The following PKP2 variants were observed in gnomAD, a reference collection of about 807,000 sequenced individuals.
PKP2 encodes the protein plakophilin 2, also known as plakophilin-2.
Under a neutral mutation model 83.4 loss-of-function variants are expected in PKP2, and 73 were observed. The ratio of observed to expected loss-of-function variants is 0.88; its 90% CI spans 0.72 to 1.06. The LOEUF is 1.06. PKP2 is among the 50% of genes least tolerant of loss of function. The pLI, the probability that PKP2 is intolerant of heterozygous loss-of-function variation, is 0.00. For synonymous variants in PKP2, 409 were observed against 430.4 expected (o/e 0.95, Z 0.62); for missense variants, 966 against 1,065.4 (o/e 0.91, Z 1.30).
chr12:32,812,556 G>A (rs769326182), intron 9 of PKP2, among the ~76,000 whole-genome samples: 3 of 152,084 alleles, frequency 2.0e-5, no homozygotes, highest in Non-Finnish European at 4.4e-5. Context: ...AGGCTGGAGT[G>A]CAGTGGCATG....
intron 11 of PKP2, among the ~76,000 whole-genome samples, chr12:32,793,612 G>GC (rs1956093307): frequency 1.1e-5 from 1 of 94,310 alleles, no homozygotes; most frequent in African/African-American, 4.9e-5. Flanking sequence ...TTCATATTCT[G>GC]CTTTTTTTTT....
chr12:32,863,921 C>G (rs1956823239), intron 4 of PKP2, among the ~76,000 whole-genome samples: 1 of 152,022 alleles, frequency 6.6e-6, no homozygotes, highest in African/African-American at 2.4e-5. Context: ...AAGATTTTAG[C>G]AAATCTAGTC....
chr12:32,840,063 T>C (rs1461524534), intron 6 of PKP2, among the ~76,000 whole-genome samples: 2 of 152,178 alleles, frequency 1.3e-5, no homozygotes, highest in Admixed American at 6.5e-5. Flanking sequence ...TTCGCAAACT[T>C]CAGTGACTGT....
intron 4 of PKP2, among the ~76,000 whole-genome samples, chr12:32,865,137 G>A (rs1481291847): frequency 6.6e-6 from 1 of 152,128 alleles, no homozygotes; most frequent in Non-Finnish European, 1.5e-5. Context: ...CACTTTGGGA[G>A]GCTGAGGTGA....
chr12:32,888,145 C>CA (rs1374188117), intron 1 of PKP2, among the ~76,000 whole-genome samples: 7 of 152,146 alleles, frequency 4.6e-5, no homozygotes, highest in Non-Finnish European at 5.9e-5. Context: ...TGCACTCCAG[C>CA]CTGGGCAACA....
chr12:32,867,820 G>A (rs764431961), intron 4 of PKP2, among the ~76,000 whole-genome samples: 10 of 152,148 alleles, frequency 6.6e-5, no homozygotes, highest in Non-Finnish European at 1.3e-4. Context: ...TATATAGGCT[G>A]GAGTTTGGAG....
rs1030534250 is a variant in PKP2, at chr12:32,793,613, C to T, written c.2358-882G>A. On this transcript the variant is annotated intron_variant, in intron 11 of 12. Coordinates refer to ENST00000340811, the MANE Select transcript of PKP2 (RefSeq NM_001005242.3). Reference sequence around the variant, plus strand: ...ACTGTACTTAGTCTTTCATATTCTGCTTTTTTTTTTTTTTTTTTTTTTTTG... The same window carrying T: ...ACTGTACTTAGTCTTTCATATTCTGTTTTTTTTTTTTTTTTTTTTTTTTTG... 8.6e-4 allele frequency among the ~76,000 whole-genome samples: 66 copies of T among 76,728 alleles called. No individual in the cohort carries two copies. In the East Asian group the frequency reaches 9.7e-3, roughly 11 times the overall value. 50.3% of individuals were successfully genotyped at this position (76,728 alleles called of 152,430 possible). A position where few individuals can be genotyped will look rare whatever the true frequency, so the allele number is the denominator to read the frequency against.
chr12:32,845,544 T>G (rs1189644967), intron 5 of PKP2, among the ~76,000 whole-genome samples: 1 of 152,050 alleles, frequency 6.6e-6, no homozygotes, highest in African/African-American at 2.4e-5. Flanking sequence ...AGAGCGAGAC[T>G]CCGTCTCAAA....
intron 1 of PKP2, among the ~76,000 whole-genome samples, chr12:32,886,017 G>A (rs1234672280): frequency 6.6e-6 from 1 of 152,190 alleles, no homozygotes; most frequent in East Asian, 1.9e-4. Context: ...GATTTCTGGA[G>A]ATGAAGATAC....
chr12:32,844,290 A>G (rs1405818492), intron 5 of PKP2, among the ~76,000 whole-genome samples: 1 of 152,200 alleles, frequency 6.6e-6, no homozygotes, highest in Non-Finnish European at 1.5e-5. Context: ...ATACACACAT[A>G]CCCTCACACA....
At chr12:32,875,786 C>T (rs1260222934) in intron 3 of PKP2, among the ~76,000 whole-genome samples, 1 of 152,120 alleles carries the variant, frequency 6.6e-6, no homozygotes, top group Non-Finnish European at 1.5e-5. Context: ...TAGTAGACTA[C>T]AGCAGGAGGA....
At chr12:32,799,345 A>G (rs921812995) in intron 10 of PKP2, among the ~76,000 whole-genome samples, 1 of 152,232 alleles carries the variant, frequency 6.6e-6, no homozygotes, top group Non-Finnish European at 1.5e-5. Flanking sequence ...GGGAATGTAA[A>G]CTAGTACAAC....
At chr12:32,877,654 T>C (rs1032673538) in intron 3 of PKP2, among the ~76,000 whole-genome samples, 192 bp downstream of exon 3, 2 of 152,196 alleles carry the variant, frequency 1.3e-5, no homozygotes, top group South Asian at 4.1e-4. Context: ...TGTGAGCAGG[T>C]AGCTTGGCCC....
At chr12:32,856,778 A>G (rs935987766) in intron 4 of PKP2, among the ~76,000 whole-genome samples, 3 of 152,150 alleles carry the variant, frequency 2.0e-5, no homozygotes, top group African/African-American at 7.2e-5. Context: ...GAAGATTCAA[A>G]GAGTGTTCAC....
chr12:32,822,559 A>G lies in PKP2; in HGVS notation c.1747T>C (p.Ser583Pro). Reference sequence around the variant, plus strand: ...CGGTTTTGAATATAGATATTCTGGGAATATTTCTCTGGGAGCTCTGCCTCC... The same window carrying G: ...CGGTTTTGAATATAGATATTCTGGGGATATTTCTCTGGGAGCTCTGCCTCC... ...QLEAELPEKY[S>P]QNIYIQNRNI... The change falls in exon 8 of 13, where the codon TCC becomes CCC. Residue 583 changes from serine (S) to proline (P), a missense_variant. Ser to Pro is a moderately conservative substitution (Grantham distance 74). Coordinates refer to ENST00000340811, the MANE Select transcript of PKP2 (RefSeq NM_001005242.3). 2 of 1,614,050 alleles carry G rather than the reference A, an allele frequency of 1.2e-6. No individual in the cohort carries two copies. The highest frequency in any genetic ancestry group is 1.7e-6 in the Non-Finnish European group (2 of 1,179,950).
chr12:32,808,960 G>A (rs1003253493), intron 9 of PKP2, among the ~76,000 whole-genome samples: 1 of 152,296 alleles, frequency 6.6e-6, no homozygotes, highest in South Asian at 2.1e-4. Flanking sequence ...CGTTTCAGAG[G>A]TTTCTGGAGA....
chr12:32,805,740 G>A (rs1956220381), intron 9 of PKP2, among the ~76,000 whole-genome samples: 1 of 152,188 alleles, frequency 6.6e-6, no homozygotes, highest in African/African-American at 2.4e-5. Flanking sequence ...CAGGTAGCAT[G>A]ATGCCTCTAG....
intron 6 of PKP2, among the ~76,000 whole-genome samples, chr12:32,824,891 C>A (rs776172321): frequency 6.6e-6 from 1 of 152,142 alleles, no homozygotes; most frequent in Non-Finnish European, 1.5e-5. Context: ...TGAAACTTAT[C>A]AAATACAGGA....
intron 5 of PKP2, among the ~76,000 whole-genome samples, chr12:32,844,403 A>G (rs576786620): frequency 2.0e-5 from 3 of 152,356 alleles, no homozygotes; most frequent in African/African-American, 7.2e-5. Flanking sequence ...CTAAAAAGCG[A>G]AACACCAGTA....
Sources: gnomAD v4.1 joint callset for allele counts (sites outside exome capture counted in the v4.1 genomes callset) on GRCh38, gnomAD v4.1.1 for gene constraint, MANE v1.5 for transcripts, NCBI Gene and HGNC (gene_info 2026-07-23, HGNC 2026-07-21) for gene names.